Variants in SFMBT2 observed in about 807,000 individuals in gnomAD.
The protein encoded by SFMBT2 is Scm like with four mbt domains 2, also known as scm-like with four MBT domains protein 2.
Under a neutral mutation model 110.1 loss-of-function variants are expected in SFMBT2, and 38 were observed. The observed-to-expected ratio is 0.35, with a 90% CI of 0.27 to 0.45. The LOEUF (loss-of-function observed/expected upper bound fraction) is 0.45, where lower values mean the gene tolerates loss of function less well. Among genes scored for constraint, SFMBT2 ranks in the 20% least tolerant of loss-of-function variants. The pLI is 1.00. For missense variants in SFMBT2, 1,011 were observed against 1,094.9 expected (o/e 0.92, Z 1.08); for synonymous variants, 425 against 425.4 (o/e 1.00, Z 0.01).
Position 7,243,645 on chromosome 10 carries a change from G to A in SFMBT2, c.1033C>T (p.Leu345=). Residue 345 remains leucine (L), a synonymous_variant, in exon 9 of 21, where the codon CTG becomes TTG. Transcript: ENST00000397167. ...IDDLRPEPSK[L]SMLCHADSLG... Reference sequence around the variant, plus strand: ...GAATCTGCATGGCACAGCATTGACAGTTTACTTGGTTCAGGTCTTAGGTCA... The same window carrying A: ...GAATCTGCATGGCACAGCATTGACAATTTACTTGGTTCAGGTCTTAGGTCA... The A allele has an allele frequency of 1.1e-6, 1 of 872,844 alleles. No individual in the cohort carries two copies. The highest frequency in any genetic ancestry group is 2.0e-6 in the Non-Finnish European group (1 of 501,642). 54.1% of individuals were successfully genotyped at this position (872,844 alleles called of 1,614,324 possible).
intron 7 of SFMBT2, among the ~76,000 whole-genome samples, chr10:7,260,352 C>A (rs11255063): frequency 0.53 from 80,255 of 151,978 alleles, 22,312 homozygotes; most frequent in East Asian, 0.84. Flanking sequence ...AATAGAAAAG[C>A]CTGGTGAACA....
In SFMBT2 at chr10:7,315,108, GAA is replaced by G. The variant is rs869110068; in HGVS notation, c.437-29156_437-29155del. The stretch of plus-strand genomic sequence containing the variant: ...AGAAAGAAAGAAAGAAAGAAAGAAA[GAA>G]AAAGCAAGCAAGCAAGCCAGCCAAT... On this transcript the variant is annotated intron_variant, in intron 4 of 20. Transcript: ENST00000397167. Among the ~76,000 whole-genome samples the G allele has an allele frequency of 9.7e-3, 1,290 of 132,828 alleles. 19 individuals carry two copies. Among genetic ancestry groups the G allele is most frequent in the Non-Finnish European group, 0.013 (736 of 56,746 alleles). The allele number at this position is 132,828 out of a possible 152,430, so 87.1% of individuals were successfully genotyped here.
chr10:7,403,066 T>C (rs1279833252), intron 1 of SFMBT2, among the ~76,000 whole-genome samples: 1 of 152,220 alleles, frequency 6.6e-6, no homozygotes, highest in Non-Finnish European at 1.5e-5. Context: ...AATGGTCAGT[T>C]CATACGACAG....
intron 12 of SFMBT2, chr10:7,203,410 T>A: frequency 5.1e-6 from 1 of 195,966 alleles, no homozygotes; most frequent in Non-Finnish European, 9.3e-6. Context: ...CCCTGGTCTT[T>A]GTTAGCGGGG....
At chr10:7,319,956 CAG>C (rs1372045204) in intron 4 of SFMBT2, among the ~76,000 whole-genome samples, 2 of 137,972 alleles carry the variant, frequency 1.4e-5, no homozygotes, top group African/African-American at 2.8e-5. Context: ...CTGAGAGAGA[CAG>C]AGAGAGATGA....
At chr10:7,400,115 G>A (rs1434831445) in intron 1 of SFMBT2, among the ~76,000 whole-genome samples, 1 of 152,184 alleles carries the variant, frequency 6.6e-6, no homozygotes, top group East Asian at 1.9e-4. Flanking sequence ...AAATGGGCAG[G>A]AGAACCTGAA....
At chr10:7,378,155 G>T (rs57133153) in intron 2 of SFMBT2, among the ~76,000 whole-genome samples, 2,942 of 141,424 alleles carry the variant, frequency 0.021, 199 homozygotes, top group African/African-American at 0.077. Flanking sequence ...TGGATGGGTG[G>T]ATGGATGGGT....
intron 16 of SFMBT2, among the ~76,000 whole-genome samples, chr10:7,181,238 CAAAAAAAA>C (rs59457180): frequency 2.8e-5 from 2 of 72,194 alleles, no homozygotes; most frequent in Non-Finnish European, 6.2e-5. Context: ...GACTCCATTT[CAAAAAAAA>C]AAAAAAAAAA....
At chr10:7,317,984 G>A (rs997123187) in intron 4 of SFMBT2, among the ~76,000 whole-genome samples, 1 of 152,148 alleles carries the variant, frequency 6.6e-6, no homozygotes, top group Non-Finnish European at 1.5e-5. Flanking sequence ...AGTCTAAGAC[G>A]GTGGCTGCAA....
At chr10:7,227,042 A>C (rs1839918719) in intron 10 of SFMBT2, among the ~76,000 whole-genome samples, 1 of 152,308 alleles carries the variant, frequency 6.6e-6, no homozygotes, top group South Asian at 2.1e-4. Flanking sequence ...AAGTACACGC[A>C]TGTGCACACA....
intron 7 of SFMBT2, among the ~76,000 whole-genome samples, chr10:7,264,676 C>T (rs1202427023): frequency 3.3e-5 from 5 of 152,038 alleles, no homozygotes; most frequent in Admixed American, 2.0e-4. Context: ...ACTGCCCAGC[C>T]GCACCTCACC....
chr10:7,285,488 A>G (rs534801439), intron 5 of SFMBT2: 2 of 164,628 alleles, frequency 1.2e-5, no homozygotes, highest in Admixed American at 6.2e-5. Flanking sequence ...CCAAGAGACT[A>G]TATTAGCACA....
chr10:7,266,865 A>G (rs1279893384), intron 7 of SFMBT2, among the ~76,000 whole-genome samples: 2 of 152,172 alleles, frequency 1.3e-5, no homozygotes, highest in Non-Finnish European at 2.9e-5. Flanking sequence ...AAGTGTGCAG[A>G]GAAGGGTTCA....
At chr10:7,400,246 G>C (rs77339778) in intron 1 of SFMBT2, among the ~76,000 whole-genome samples, 5,345 of 152,300 alleles carry the variant, frequency 0.035, 134 homozygotes, top group African/African-American at 0.069. Flanking sequence ...AAGAGGGAAA[G>C]AGGATGTTCT....
intron 1 of SFMBT2, among the ~76,000 whole-genome samples, chr10:7,399,117 A>G (rs576052492): frequency 5.1e-4 from 77 of 152,382 alleles, no homozygotes; most frequent in South Asian, 3.3e-3. Flanking sequence ...AACACTGTGA[A>G]GATATCAGCC....
intron 2 of SFMBT2, among the ~76,000 whole-genome samples, chr10:7,371,984 T>A (rs1339612746): frequency 7.6e-6 from 1 of 131,514 alleles, no homozygotes; most frequent in Non-Finnish European, 1.5e-5. Flanking sequence ...TGGAGTGCAG[T>A]GGCGCGATCT....
intron 9 of SFMBT2, among the ~76,000 whole-genome samples, chr10:7,235,176 T>C (rs1408749999): frequency 6.6e-6 from 1 of 152,154 alleles, no homozygotes; most frequent in African/African-American, 2.4e-5. Context: ...GACCAGACAT[T>C]GTTTTTGGTG....
chr10:7,186,815 C>A (rs1838428685), intron 16 of SFMBT2, among the ~76,000 whole-genome samples: 2 of 152,194 alleles, frequency 1.3e-5, no homozygotes, highest in South Asian at 2.1e-4. Context: ...AGTATCAGAG[C>A]AGGAGAGCTC....
Position 7,356,852 on chromosome 10 carries a change from A to C in SFMBT2, c.436+10797T>G, listed in dbSNP as rs771359698. On this transcript the variant is annotated intron_variant, in intron 4 of 20. Transcript: ENST00000397167. ...AGTTATGGAAATTGACACAGAATTC[A>C]GATAAATCATGGTGGCCCTGCTGAG... is the stretch of plus-strand genomic sequence containing the variant. Among the ~76,000 whole-genome samples the C allele has an allele frequency of 2.0e-4, 30 of 152,234 alleles. 1 individual carries two copies. The highest frequency in any genetic ancestry group is 6.5e-4 in the Admixed American group (10 of 15,284).
Sources: allele counts gnomAD v4.1 joint callset (sites outside exome capture counted in the v4.1 genomes callset), GRCh38; gene constraint gnomAD v4.1.1; transcripts MANE v1.5; gene names NCBI Gene and HGNC (gene_info 2026-07-23, HGNC 2026-07-21).